Variants in ERBB4 observed in about 807,000 individuals in gnomAD.
ERBB4 encodes erb-b2 receptor tyrosine kinase 4, also known as receptor tyrosine-protein kinase erbB-4.
ERBB4 carries 42 observed loss-of-function variants against 158.0 expected under a neutral mutation model. The ratio of observed to expected loss-of-function variants is 0.27; its 90% CI spans 0.21 to 0.34. The LOEUF (loss-of-function observed/expected upper bound fraction) is 0.34. ERBB4 is among the 10% of genes least tolerant of loss of function. The pLI is 1.00. For synonymous variants in ERBB4, 583 were observed against 558.7 expected (o/e 1.04, Z -0.61); for missense variants, 1,333 against 1,624.1 (o/e 0.82, Z 3.08).
chr2:211,401,891 A>T (rs189888396), intron 25 of ERBB4, among the ~76,000 whole-genome samples: 1 of 151,880 alleles, frequency 6.6e-6, no homozygotes, highest in East Asian at 1.9e-4. Flanking sequence ...GAAAGGTAAG[A>T]AAAACCTCTT....
chr2:212,087,799 T>C (rs2078660738), intron 2 of ERBB4, among the ~76,000 whole-genome samples: 1 of 152,108 alleles, frequency 6.6e-6, no homozygotes, highest in African/African-American at 2.4e-5. Flanking sequence ...ATGTTATAGA[T>C]ACATTTTAAA....
At chr2:211,442,745 G>C (rs2125457121) in intron 20 of ERBB4, among the ~76,000 whole-genome samples, 1 of 138,652 alleles carries the variant, frequency 7.2e-6, no homozygotes, top group Admixed American at 7.2e-5. Flanking sequence ...ATATATATAT[G>C]AATCTCAATA....
intron 21 of ERBB4, among the ~76,000 whole-genome samples, chr2:211,430,476 C>T (rs929262066): frequency 1.3e-5 from 2 of 152,130 alleles, no homozygotes; most frequent in East Asian, 3.9e-4. Context: ...AAAAGGTAGA[C>T]GAGGCAGTGG....
Position 212,087,030 on chromosome 2 carries a change from A to G in ERBB4, c.234+37722T>C, listed in dbSNP as rs112000687. On this transcript the variant is annotated intron_variant, in intron 2 of 27. Coordinates refer to ENST00000342788, the MANE Select transcript of ERBB4 (RefSeq NM_005235.3). ...GTCACATCCACTTATATTCTCCAGGAAAGATGTATATCTTCCTGCTTCGGT... is the reference window on the plus strand; with the variant it reads ...GTCACATCCACTTATATTCTCCAGGGAAGATGTATATCTTCCTGCTTCGGT... Among the ~76,000 whole-genome samples the G allele has an allele frequency of 7.2e-3, 1,098 of 152,094 alleles. 6 individuals are homozygous for G. Among genetic ancestry groups the G allele is most frequent in the Middle Eastern group, 0.027 (8 of 294 alleles).
At chr2:211,921,705 G>A (rs1176152626) in intron 3 of ERBB4, among the ~76,000 whole-genome samples, 2 of 152,056 alleles carry the variant, frequency 1.3e-5, no homozygotes, top group South Asian at 2.1e-4. Flanking sequence ...ACATAGGATT[G>A]TCAGGGAAAG....
intron 1 of ERBB4, among the ~76,000 whole-genome samples, chr2:212,262,643 T>C (rs1275335093): frequency 1.3e-5 from 2 of 152,122 alleles, no homozygotes; most frequent in African/African-American, 4.8e-5. Flanking sequence ...CAAAAGTGGC[T>C]TTATTTAAAA....
At chr2:211,667,902 T>C (rs75586252) in intron 14 of ERBB4, among the ~76,000 whole-genome samples, 3,245 of 152,280 alleles carry the variant, frequency 0.021, 114 homozygotes, top group African/African-American at 0.075. Flanking sequence ...TTTAAGCATC[T>C]CTTAACTATA....
chr2:211,492,902 G>C (rs112482679), intron 20 of ERBB4, among the ~76,000 whole-genome samples: 2 of 152,056 alleles, frequency 1.3e-5, no homozygotes, highest in East Asian at 1.9e-4. Context: ...CACTAAGTTC[G>C]ACTTTCCAAA....
intron 16 of ERBB4, among the ~76,000 whole-genome samples, chr2:211,644,742 G>A (rs1030600272): frequency 6.6e-6 from 1 of 151,842 alleles, no homozygotes; most frequent in Non-Finnish European, 1.5e-5. Context: ...AAATCTCTTT[G>A]TTTTGTAAAT....
intron 1 of ERBB4, among the ~76,000 whole-genome samples, chr2:212,435,541 T>C (rs73062365): frequency 0.016 from 2,471 of 152,052 alleles, 73 homozygotes; most frequent in African/African-American, 0.057. Flanking sequence ...ACATACATTC[T>C]TGTTAATTTT....
At chr2:211,426,788 A>G (rs1399248467) in intron 22 of ERBB4, among the ~76,000 whole-genome samples, 1 of 151,222 alleles carries the variant, frequency 6.6e-6, no homozygotes, top group Non-Finnish European at 1.5e-5. Flanking sequence ...AAAAGTATAT[A>G]CATATATAAA....
intron 1 of ERBB4, among the ~76,000 whole-genome samples, chr2:212,353,712 A>G (rs1041819210): frequency 1.3e-5 from 2 of 152,120 alleles, no homozygotes; most frequent in African/African-American, 2.4e-5. Flanking sequence ...AAGTGTGTGT[A>G]TGGGGAAATA....
chr2:211,788,487 C>A (rs907151077), intron 3 of ERBB4, among the ~76,000 whole-genome samples: 1 of 151,906 alleles, frequency 6.6e-6, no homozygotes, highest in African/African-American at 2.4e-5. Flanking sequence ...TATTTTATAA[C>A]CTGCTTGTTT....
intron 1 of ERBB4, among the ~76,000 whole-genome samples, chr2:212,311,862 T>C (rs908528480): frequency 2.0e-5 from 3 of 150,944 alleles, no homozygotes; most frequent in African/African-American, 7.3e-5. Flanking sequence ...CAGCCTAAAA[T>C]GTGCACAAGA....
At chr2:212,524,623 T>G (rs1023966914) in intron 1 of ERBB4, among the ~76,000 whole-genome samples, 2 of 152,028 alleles carry the variant, frequency 1.3e-5, no homozygotes, top group African/African-American at 2.4e-5. Context: ...CTCACTCATA[T>G]GATTTTCTCC....
At chr2:211,498,434 T>C (rs1374243706) in intron 20 of ERBB4, among the ~76,000 whole-genome samples, 1 of 152,158 alleles carries the variant, frequency 6.6e-6, no homozygotes, top group Admixed American at 6.5e-5. Flanking sequence ...CATGAATGTA[T>C]AAATGTAATA....
chr2:211,926,106 G>A (rs969137280), intron 3 of ERBB4, among the ~76,000 whole-genome samples: 22 of 152,106 alleles, frequency 1.4e-4, no homozygotes, highest in Admixed American at 9.8e-4. Flanking sequence ...GGAATGTCTC[G>A]GAGCCACGTT....
intron 1 of ERBB4, among the ~76,000 whole-genome samples, chr2:212,529,815 C>T (rs564735109): frequency 3.3e-5 from 5 of 151,950 alleles, no homozygotes; most frequent in Admixed American, 1.3e-4. Flanking sequence ...GTAACAAAGA[C>T]GTATAATTTA....
chr2:212,065,843 T>A (rs75673304), intron 2 of ERBB4, among the ~76,000 whole-genome samples: 8,485 of 152,072 alleles, frequency 0.056, 269 homozygotes, highest in South Asian at 0.1. Context: ...TTACAGAATT[T>A]AATGCTTAGT....
Sources: allele counts gnomAD v4.1 joint callset (sites outside exome capture counted in the v4.1 genomes callset), GRCh38; gene constraint gnomAD v4.1.1; transcripts MANE v1.5; gene names NCBI Gene and HGNC (gene_info 2026-07-23, HGNC 2026-07-21).